Variants in EVC observed in about 807,000 individuals in gnomAD.
The protein encoded by EVC is evC complex member EVC.
A neutral mutation model predicts 118.9 loss-of-function variants in EVC; 116 were observed. That is an observed-to-expected ratio of 0.98 (90% CI 0.84 to 1.14). The LOEUF (loss-of-function observed/expected upper bound fraction) is 1.14. Ranked by LOEUF, EVC falls within the 50% of genes most tolerant of loss-of-function variation. EVC has a pLI of 0.00. For synonymous variants in EVC, 619 were observed against 534.7 expected (o/e 1.16, Z -2.18); for missense variants, 1,401 against 1,246.4 (o/e 1.12, Z -1.87).
intron 5 of EVC, among the ~76,000 whole-genome samples, chr4:5,736,506 ATTT>A (rs60275784): frequency 4.4e-5 from 6 of 136,174 alleles, no homozygotes; most frequent in Middle Eastern, 4.0e-3. Flanking sequence ...GAGATGCTGC[ATTT>A]TTTTTTTTTT....
chr4:5,723,623 T>A (rs1160121996), intron 2 of EVC, among the ~76,000 whole-genome samples: 3 of 152,118 alleles, frequency 2.0e-5, no homozygotes, highest in Non-Finnish European at 4.4e-5. Flanking sequence ...TGTAGGAAGT[T>A]TACAAATGCA....
Position 5,719,332 on chromosome 4 carries a change from A to G in EVC, c.259A>G (p.Lys87Glu), listed in dbSNP as rs771068713. The G allele has an allele frequency of 1.2e-6, 2 of 1,614,156 alleles. No individual in the cohort carries two copies. Among genetic ancestry groups the G allele is most frequent in the Non-Finnish European group, 1.7e-6 (2 of 1,180,034 alleles). Residue 87 changes from lysine (K) to glutamate (E), a missense_variant, in exon 2 of 21, where the codon AAG becomes GAG. Physicochemically the swap from Lys to Glu is moderately conservative, Grantham distance 56 (BLOSUM62 1). Transcript: ENST00000264956. The surrounding 1 kb of genome is among the most constrained non-coding windows in gnomAD (Gnocchi z 4.7). ...AACTGGCTCCCCATCAAGGAGGAGG[A>G]AGAGAGAAGTGCAGATGTCGAAGGA... ...SETGSPSRRR[K>E]REVQMSKDKE...
At chr4:5,765,443 A>G (rs539096110) in intron 11 of EVC, among the ~76,000 whole-genome samples, 1 of 113,634 alleles carries the variant, frequency 8.8e-6, no homozygotes, top group Admixed American at 7.9e-5. Flanking sequence ...GCTGAGTTCA[A>G]TTCCTGGGTA....
chr4:5,740,334 G>A (rs1728330207), intron 5 of EVC, among the ~76,000 whole-genome samples: 1 of 152,018 alleles, frequency 6.6e-6, no homozygotes, highest in African/African-American at 2.4e-5. Flanking sequence ...AGCCGGGTGT[G>A]GTGGCACATG....
intron 13 of EVC, among the ~76,000 whole-genome samples, 179 bp from the exon 14 acceptor site, chr4:5,796,843 A>G (rs1286526789): frequency 6.6e-6 from 1 of 151,802 alleles, no homozygotes; most frequent in Admixed American, 6.6e-5. Context: ...ATAGACAAGC[A>G]GATGGCGGCG....
intron 11 of EVC, among the ~76,000 whole-genome samples, chr4:5,773,987 G>A (rs539144306): frequency 2.2e-4 from 33 of 152,120 alleles, no homozygotes; most frequent in Admixed American, 5.9e-4. Flanking sequence ...GATCCATTCC[G>A]TGGACTCTGA....
chr4:5,784,904 A>C (rs1301380974), intron 12 of EVC, among the ~76,000 whole-genome samples: 1 of 152,106 alleles, frequency 6.6e-6, no homozygotes, highest in Non-Finnish European at 1.5e-5. Flanking sequence ...CACTGTGCCC[A>C]GCCCAGATTG....
intron 12 of EVC, among the ~76,000 whole-genome samples, chr4:5,790,202 G>T (rs973377671): frequency 2.1e-4 from 24 of 111,638 alleles, no homozygotes; most frequent in Non-Finnish European, 4.3e-4. Flanking sequence ...AAAAGACAAC[G>T]ATGACTGTGC....
chr4:5,748,393 G>C (rs1296129265), intron 8 of EVC, 87 bp downstream of exon 8: 4 of 1,452,240 alleles, frequency 2.8e-6, no homozygotes, highest in Non-Finnish European at 3.8e-6. Flanking sequence ...AAATCTAACA[G>C]ATTCATGTTG....
chr4:5,801,825 C>A, intron 15 of EVC, 125 bp from the exon 16 acceptor site: 1 of 1,067,542 alleles, frequency 9.4e-7, no homozygotes, highest in Non-Finnish European at 1.4e-6. Flanking sequence ...GCTTCCTGAC[C>A]AATCCAGGTT....
Position 5,754,459 on chromosome 4 carries a change from G to A in EVC, c.1464+526G>A, listed in dbSNP as rs1730871286. Among the ~76,000 whole-genome samples, 1 of 152,126 alleles carries A rather than the reference G, an allele frequency of 6.6e-6. No homozygotes were observed. ...GAGAAGGGGACAAGAAGACCTGAAG[G>A]AGGACAAAAAGCAAGATGTCACCCT... is the stretch of plus-strand genomic sequence containing the variant. On this transcript the variant is annotated intron_variant, in intron 10 of 20. Transcript: ENST00000264956. The surrounding 1 kb of genome is among the most constrained non-coding windows in gnomAD (Gnocchi z 5.8).
At position 5,790,180 on chromosome 4, in the gene EVC, C is replaced by CAAAAA. The variant is rs35158259; in HGVS notation, c.1777-3417_1777-3413dup. On this transcript the variant is annotated intron_variant, in intron 12 of 20. Coordinates refer to ENST00000264956, the MANE Select transcript of EVC (RefSeq NM_153717.3). ...TGGGTGACAGAGTGAGACTCCATCTCAAAAAAAAAAAAAAAGACAACGATG... is the reference window on the plus strand; with the variant it reads ...TGGGTGACAGAGTGAGACTCCATCTCAAAAAAAAAAAAAAAAAAAAGACAACGATG... Among the ~76,000 whole-genome samples the CAAAAA allele has an allele frequency of 2.9e-4, 32 of 112,218 alleles. 2 individuals carry two copies. The highest frequency in any genetic ancestry group is 8.0e-4 in the African/African-American group (22 of 27,586). The allele number at this position is 112,218 out of a possible 152,430, so 73.6% of individuals were successfully genotyped here. A position where few individuals can be genotyped will look rare whatever the true frequency, so the allele number is the denominator to read the frequency against.
intron 1 of EVC, 32 bp downstream of exon 1, chr4:5,711,586 G>A: frequency 8.5e-7 from 1 of 1,169,696 alleles, no homozygotes; most frequent in Non-Finnish European, 1.1e-6. Context: ...CGGCGGGGCG[G>A]GGAGCGCGGG....
chr4:5,825,874 T>G, the EVC span: 17,796 of 540,954 alleles, frequency 0.033, 387 homozygotes, highest in African/African-American at 0.053. This position sits in a 1 kb window ranked among gnomAD's most constrained non-coding sequence, Gnocchi z 4.4. Flanking sequence ...CACACACATC[T>G]ACATACCCAC....
the EVC span, chr4:5,828,394 A>C: frequency 6.7e-7 from 1 of 1,495,782 alleles, no homozygotes; most frequent in Non-Finnish European, 8.9e-7. Flanking sequence ...GGGCGATGAC[A>C]TTATTAACTC....
chr4:5,771,011 C>CAA (rs10699296), intron 11 of EVC, among the ~76,000 whole-genome samples: 46,963 of 143,498 alleles, frequency 0.33, 8,005 homozygotes, highest in Middle Eastern at 0.46. Flanking sequence ...GACTTCATTT[C>CAA]AAAAAAAAAA....
chr4:5,801,148 A>G (rs902173707), intron 15 of EVC, among the ~76,000 whole-genome samples: 8 of 152,220 alleles, frequency 5.3e-5, no homozygotes, highest in Non-Finnish European at 1.2e-4. Flanking sequence ...GCTCAAAGAA[A>G]TAGAAGTTAC....
intron 11 of EVC, among the ~76,000 whole-genome samples, chr4:5,768,792 G>C (rs1733454036): frequency 6.7e-6 from 1 of 150,158 alleles, no homozygotes. Flanking sequence ...AGGAGGTGGA[G>C]GTTGCAGTGA....
the EVC span, chr4:5,825,303 C>A: frequency 4.1e-6 from 4 of 985,158 alleles, no homozygotes; most frequent in Non-Finnish European, 4.8e-6. The surrounding 1 kb of genome is among the most constrained non-coding windows in gnomAD (Gnocchi z 4.4). Flanking sequence ...TAACATGGAC[C>A]CCCCTCTGCT....
Sources: gnomAD v4.1 joint callset for allele counts (sites outside exome capture counted in the v4.1 genomes callset) on GRCh38, gnomAD v4.1.1 for gene constraint, Gnocchi (gnomAD v3.1) non-coding constraint, MANE v1.5 for transcripts, NCBI Gene and HGNC (gene_info 2026-07-23, HGNC 2026-07-21) for gene names.